The following TEK variants were observed in gnomAD, a reference collection of about 807,000 sequenced individuals.
TEK encodes the protein TEK receptor tyrosine kinase, also known as angiopoietin-1 receptor.
TEK carries 43 observed loss-of-function variants against 131.8 expected under a neutral mutation model. The ratio of observed to expected loss-of-function variants is 0.33; its 90% CI spans 0.26 to 0.42. TEK has a LOEUF of 0.42. TEK is among the 10% of genes least tolerant of loss of function. The pLI is 1.00. For synonymous variants in TEK, 580 were observed against 491.6 expected, an observed-to-expected ratio of 1.18 and a Z score of -2.38; for missense variants, 1,162 against 1,384.4, an observed-to-expected ratio of 0.84 and a Z score of 2.55.
At chr9:27,166,136 C>A (rs1445878479) in intron 2 of TEK, among the ~76,000 whole-genome samples, 1 of 152,232 alleles carries the variant, frequency 6.6e-6, no homozygotes, top group East Asian at 1.9e-4. Context: ...TGGTCCTGGT[C>A]TGAATCTTTA....
intron 6 of TEK, among the ~76,000 whole-genome samples, chr9:27,173,985 C>G (rs1824070030): frequency 6.6e-6 from 1 of 151,374 alleles, no homozygotes; most frequent in African/African-American, 2.4e-5. Flanking sequence ...GGATTTGGGG[C>G]TCAAAAATTG....
chr9:27,124,236 C>T (rs1446344879), intron 1 of TEK, among the ~76,000 whole-genome samples: 1 of 152,258 alleles, frequency 6.6e-6, no homozygotes, highest in Non-Finnish European at 1.5e-5. Flanking sequence ...GCTAAACCAA[C>T]ATTTATAATT....
intron 1 of TEK, among the ~76,000 whole-genome samples, chr9:27,142,010 T>C (rs1757102171): frequency 6.6e-6 from 1 of 152,130 alleles, no homozygotes; most frequent in African/African-American, 2.4e-5. Flanking sequence ...GATAAACATA[T>C]GTAGAGAAGG....
chr9:27,220,143 G>C lies in TEK; in HGVS notation c.3198G>C (p.Glu1066Asp). 1 of 1,613,720 alleles carries C rather than the reference G, an allele frequency of 6.2e-7. No individual in the cohort carries two copies. Among genetic ancestry groups the C allele is most frequent in the South Asian group, 1.1e-5 (1 of 91,068 alleles). Reference sequence around the variant, plus strand: ...AGAAGCCCCTGAACTGTGATGATGAGGTGTAAGTCAGGCCTCATCCTGGGG... The same window carrying C: ...AGAAGCCCCTGAACTGTGATGATGACGTGTAAGTCAGGCCTCATCCTGGGG... ...RLEKPLNCDD[E>D]VYDLMRQCWR... Residue 1066 changes from glutamate to aspartate, a missense_variant and splice_region_variant, in exon 21 of 23, where the codon GAG becomes GAC. This residue lies in a region of TEK where 84 missense variants were observed against 80.3 expected (regional missense o/e 1.05). Transcript: ENST00000380036.
chr9:27,185,741 C>T (rs574647734), intron 9 of TEK, 112 bp downstream of exon 9: 17 of 1,424,688 alleles, frequency 1.2e-5, no homozygotes, highest in African/African-American at 2.8e-5. Context: ...GGGTAATTTC[C>T]AGGATAGTAA....
chr9:27,186,515 T>G (rs1330296524), intron 9 of TEK, among the ~76,000 whole-genome samples: 2 of 152,206 alleles, frequency 1.3e-5, no homozygotes, highest in African/African-American at 4.8e-5. Context: ...ACAATTTGTT[T>G]TCTGAATATT....
intron 1 of TEK, among the ~76,000 whole-genome samples, chr9:27,131,133 T>C (rs1264881805): frequency 6.6e-6 from 1 of 152,162 alleles, no homozygotes; most frequent in Non-Finnish European, 1.5e-5. Context: ...TTCACTCTCT[T>C]ACATACTACA....
intron 2 of TEK, among the ~76,000 whole-genome samples, chr9:27,163,619 G>T (rs1823622144): frequency 6.6e-6 from 1 of 152,156 alleles, no homozygotes; most frequent in Admixed American, 6.5e-5. Context: ...TGATAAGTCT[G>T]GAGAACTAGG....
chr9:27,203,234 C>T (rs922433813), intron 13 of TEK, 115 bp downstream of exon 13: 40 of 1,107,828 alleles, frequency 3.6e-5, no homozygotes, highest in Non-Finnish European at 5.0e-5. Context: ...GTTGAATGGA[C>T]AGGCATTTAC....
chr9:27,141,658 C>G (rs1394574696), intron 1 of TEK, among the ~76,000 whole-genome samples: 1 of 152,050 alleles, frequency 6.6e-6, no homozygotes, highest in Non-Finnish European at 1.5e-5. Context: ...ACTGTAGTTA[C>G]AATTTTTAAA....
chr9:27,117,645 C>T (rs866669387), intron 1 of TEK, among the ~76,000 whole-genome samples: 2 of 152,132 alleles, frequency 1.3e-5, no homozygotes, highest in African/African-American at 2.4e-5. Context: ...ATACCCATTG[C>T]TTGGTGGTTT....
intron 2 of TEK, among the ~76,000 whole-genome samples, chr9:27,166,711 TTATGTCGAATGTA>T (rs1823743836): frequency 6.6e-6 from 1 of 152,220 alleles, no homozygotes; most frequent in Non-Finnish European, 1.5e-5. Flanking sequence ...TTATGTGCCA[TTATGTCGAATGTA>T]TACTTCATGA....
At chr9:27,200,037 T>C (rs534060421) in intron 12 of TEK, among the ~76,000 whole-genome samples, 1 of 152,322 alleles carries the variant, frequency 6.6e-6, no homozygotes, top group Admixed American at 6.5e-5. Context: ...GGGTGCAGTA[T>C]ATTTTAATAT....
chr9:27,169,371 C>T (rs1823862940), intron 3 of TEK, 106 bp from the exon 4 acceptor site: 1 of 1,460,288 alleles, frequency 6.8e-7, no homozygotes, highest in Non-Finnish European at 9.6e-7. Context: ...TGTGAGAGCA[C>T]ATTTTCTTGA....
At chr9:27,138,665 C>G (rs934736420) in intron 1 of TEK, among the ~76,000 whole-genome samples, 2 of 152,208 alleles carry the variant, frequency 1.3e-5, no homozygotes, top group Admixed American at 6.5e-5. Context: ...TTGAATAACA[C>G]AAGTTTGAGC....
In TEK at chr9:27,192,413, C is replaced by A. The variant is rs1049458066; in HGVS notation, c.1490-76C>A. 2.6e-6 allele frequency: 4 copies of A among 1,566,178 alleles called. No homozygotes were observed. The African/African-American group carries it at 5.4e-5, about 21-fold the overall frequency. On this transcript the variant is annotated intron_variant, in intron 10 of 22. Transcript: ENST00000380036. Reference sequence around the variant, plus strand: ...TTGAAAACCTAAAATTAGTTCACATCGCAATAACAACAACCCCGGCTTAAG... The same window carrying A: ...TTGAAAACCTAAAATTAGTTCACATAGCAATAACAACAACCCCGGCTTAAG...
chr9:27,215,253 C>A (rs1825776598), intron 18 of TEK, among the ~76,000 whole-genome samples: 1 of 152,020 alleles, frequency 6.6e-6, no homozygotes, highest in African/African-American at 2.4e-5. Flanking sequence ...CTCTATCTTA[C>A]AATAGACTAA....
At chr9:27,122,099 G>A (rs1402035641) in intron 1 of TEK, among the ~76,000 whole-genome samples, 3 of 152,204 alleles carry the variant, frequency 2.0e-5, no homozygotes, top group African/African-American at 7.2e-5. Context: ...ATGCCCGTCA[G>A]TAGAGAAATG....
intron 1 of TEK, among the ~76,000 whole-genome samples, chr9:27,142,179 C>A (rs1452497394): frequency 1.3e-5 from 2 of 152,152 alleles, no homozygotes; most frequent in Non-Finnish European, 2.9e-5. Context: ...CTAGAATGGA[C>A]AGACAATGGA....
Sources: gnomAD v4.1 joint callset for allele counts (sites outside exome capture counted in the v4.1 genomes callset) on GRCh38, gnomAD v4.1.1 for gene constraint, gnomAD v4.1.1 regional missense constraint, MANE v1.5 for transcripts, NCBI Gene and HGNC (gene_info 2026-07-23, HGNC 2026-07-21) for gene names.